ARID5B: variants seen among roughly 807,000 people sequenced by gnomAD.
ARID5B encodes the protein AT-rich interactive domain-containing protein 5B.
In ARID5B, 13 loss-of-function variants were observed where a neutral mutation model predicts 97.2. That is an observed-to-expected ratio of 0.13 (90% CI 0.09 to 0.21). The LOEUF is 0.21. ARID5B is among the 10% of genes least tolerant of loss of function. The pLI is 1.00. For missense variants in ARID5B, 1,210 were observed against 1,465.3 expected (o/e 0.83, Z 2.84); for synonymous variants, 556 against 570.3 (o/e 0.97, Z 0.36).
chr10:61,926,976 A>C (rs773873214), intron 2 of ARID5B, among the ~76,000 whole-genome samples: 18 of 152,092 alleles, frequency 1.2e-4, no homozygotes, highest in Admixed American at 2.0e-4. Flanking sequence ...TGCCATTGAA[A>C]GTAATGGCAA....
At position 62,091,694 on chromosome 10, in the gene ARID5B, T is replaced by C. The variant is rs141852562; in HGVS notation, c.2231T>C (p.Met744Thr). ...QTHHGQSTDH[M>T]AVSRPSVIQH... ...CACCATGGCCAAAGCACTGACCATA[T>C]GGCGGTCAGCCGGCCATCAGTGATT... Residue 744 changes from methionine (M) to threonine (T), a missense_variant, in exon 10 of 10, where the codon ATG (methionine) becomes ACG (threonine). By Grantham distance (81) the Met-to-Thr change is moderately conservative. Coordinates refer to ENST00000279873, the MANE Select transcript of ARID5B (RefSeq NM_032199.3). 2.9e-4 allele frequency: 473 copies of C among 1,614,054 alleles called. No homozygotes were observed. Among genetic ancestry groups the C allele is most frequent in the Non-Finnish European group, 3.6e-4 (426 of 1,180,046 alleles).
intron 4 of ARID5B, among the ~76,000 whole-genome samples, chr10:62,019,449 C>G (rs1178754939): frequency 6.6e-6 from 1 of 152,110 alleles, no homozygotes; most frequent in Non-Finnish European, 1.5e-5. Flanking sequence ...ACTCCTTTAA[C>G]TTTTACAAAG....
At chr10:62,084,477 T>C (rs1275154277) in intron 8 of ARID5B, among the ~76,000 whole-genome samples, 2 of 152,238 alleles carry the variant, frequency 1.3e-5, no homozygotes, top group Non-Finnish European at 2.9e-5. Context: ...AACAGACTTA[T>C]GATGTTTATA....
intron 3 of ARID5B, among the ~76,000 whole-genome samples, chr10:61,950,485 A>T (rs974861921): frequency 6.6e-6 from 1 of 152,214 alleles, no homozygotes; most frequent in Non-Finnish European, 1.5e-5. Flanking sequence ...CCTGGGCAAC[A>T]TAGTGAGACC....
At chr10:62,008,023 G>C (rs1839167315) in intron 4 of ARID5B, among the ~76,000 whole-genome samples, 1 of 146,724 alleles carries the variant, frequency 6.8e-6, no homozygotes, top group African/African-American at 2.6e-5. Flanking sequence ...CATGTTTACA[G>C]TCTGTCCCGC....
At chr10:61,914,067 C>T (rs1044057083) in intron 2 of ARID5B, among the ~76,000 whole-genome samples, 5 of 152,192 alleles carry the variant, frequency 3.3e-5, no homozygotes, top group African/African-American at 1.2e-4. Context: ...TGACAGGATA[C>T]TTAGCAGAGA....
At chr10:61,972,234 T>TC (rs1838638427) in intron 3 of ARID5B, among the ~76,000 whole-genome samples, 1 of 148,606 alleles carries the variant, frequency 6.7e-6, no homozygotes, top group Non-Finnish European at 1.5e-5. Context: ...GCTTTTTTTT[T>TC]TTTTTTTTTT....
chr10:62,078,642 T>C (rs578017971), intron 8 of ARID5B, among the ~76,000 whole-genome samples: 70 of 152,334 alleles, frequency 4.6e-4, no homozygotes, highest in African/African-American at 1.6e-3. Flanking sequence ...TTCACTGTAA[T>C]AAGCATGCAT....
At chr10:62,045,312 T>C (rs1839692022) in intron 4 of ARID5B, among the ~76,000 whole-genome samples, 1 of 152,192 alleles carries the variant, frequency 6.6e-6, no homozygotes, top group South Asian at 2.1e-4. Flanking sequence ...CTATTTTTGT[T>C]GTAATGAAAG....
intron 8 of ARID5B, among the ~76,000 whole-genome samples, chr10:62,075,995 T>C (rs942248913): frequency 3.9e-5 from 6 of 152,168 alleles, no homozygotes; most frequent in African/African-American, 1.4e-4. Context: ...TGAGAACATA[T>C]AAAGCAAAGA....
At chr10:62,078,277 C>T (rs1031041221) in intron 8 of ARID5B, among the ~76,000 whole-genome samples, 1 of 152,024 alleles carries the variant, frequency 6.6e-6, no homozygotes, top group Admixed American at 6.6e-5. Flanking sequence ...TTGCTTGTAC[C>T]CAGGAGTTTG....
intron 3 of ARID5B, among the ~76,000 whole-genome samples, chr10:61,970,993 A>G (rs72833371): frequency 2.9e-4 from 27 of 92,328 alleles, no homozygotes; most frequent in South Asian, 9.3e-4. Flanking sequence ...GTGTGTGTGT[A>G]TGTGTGTATA....
At chr10:61,927,304 T>G (rs2132778629) in intron 2 of ARID5B, among the ~76,000 whole-genome samples, 1 of 152,336 alleles carries the variant, frequency 6.6e-6, no homozygotes, top group Admixed American at 6.5e-5. Context: ...CCCATTTTTT[T>G]TATATGAGAC....
At chr10:62,064,856 C>G (rs754799373) in intron 7 of ARID5B, among the ~76,000 whole-genome samples, 2 of 152,158 alleles carry the variant, frequency 1.3e-5, no homozygotes, top group African/African-American at 4.8e-5. Context: ...TCACTGCATC[C>G]TCCGCCTCCC....
At chr10:62,062,515 T>G (rs962261220) in intron 7 of ARID5B, among the ~76,000 whole-genome samples, 2 of 152,200 alleles carry the variant, frequency 1.3e-5, no homozygotes, top group African/African-American at 4.8e-5. Context: ...CTTAGCCAAG[T>G]GTTTCCCATG....
intron 4 of ARID5B, among the ~76,000 whole-genome samples, chr10:62,017,371 G>A (rs1232168408): frequency 6.6e-6 from 1 of 151,880 alleles, no homozygotes; most frequent in African/African-American, 2.4e-5. Flanking sequence ...AGAATTGCTT[G>A]AATCTGGGCA....
chr10:62,009,305 T>C (rs964962516), intron 4 of ARID5B, among the ~76,000 whole-genome samples: 3 of 152,180 alleles, frequency 2.0e-5, no homozygotes, highest in African/African-American at 7.2e-5. Context: ...CAGAAGAAGA[T>C]TGGTGCATTC....
At chr10:62,056,424 G>A (rs577947920) in intron 5 of ARID5B, among the ~76,000 whole-genome samples, 2 of 152,196 alleles carry the variant, frequency 1.3e-5, no homozygotes, top group South Asian at 4.2e-4. Flanking sequence ...TCACTCTTGG[G>A]TGGCAAACAG....
At chr10:62,076,096 G>A (rs967207223) in intron 8 of ARID5B, among the ~76,000 whole-genome samples, 15 of 152,288 alleles carry the variant, frequency 9.8e-5, no homozygotes, top group African/African-American at 3.1e-4. Context: ...TGCTTCCGGT[G>A]AGCCCGGGTT....
Sources: allele counts gnomAD v4.1 joint callset (sites outside exome capture counted in the v4.1 genomes callset), GRCh38; gene constraint gnomAD v4.1.1; transcripts MANE v1.5; gene names NCBI Gene and HGNC (gene_info 2026-07-23, HGNC 2026-07-21).